MAP3K19: variants seen among roughly 807,000 people sequenced by gnomAD.
MAP3K19 encodes the protein mitogen-activated protein kinase kinase kinase 19.
MAP3K19 carries 91 observed loss-of-function variants against 114.4 expected under a neutral mutation model. The ratio of observed to expected loss-of-function variants is 0.80; its 90% CI spans 0.67 to 0.95. The LOEUF (loss-of-function observed/expected upper bound fraction) is 0.95, where lower values mean the gene tolerates loss of function less well. Ranked by LOEUF, MAP3K19 falls within the 40% of genes least tolerant of loss-of-function variation. MAP3K19 has a pLI of 0.00. For synonymous variants in MAP3K19, 518 were observed against 530.5 expected (o/e 0.98, Z 0.32); for missense variants, 1,471 against 1,573.2 (o/e 0.94, Z 1.10).
Position 134,986,269 on chromosome 2 carries a change from A to G in MAP3K19, c.2603T>C (p.Val868Ala). 2 of 1,614,084 alleles carry G rather than the reference A, an allele frequency of 1.2e-6. No homozygotes were observed. The highest frequency in any genetic ancestry group is 1.7e-6 in the Non-Finnish European group (2 of 1,180,012). The change falls in exon 10 of 13, where the codon GTA (valine) becomes GCA (alanine). Residue 868 changes from valine (V) to alanine (A), a missense_variant. Physicochemically the swap from Val to Ala is moderately conservative, Grantham distance 64. Transcript: ENST00000392915. ...TGCTGTATTCTGCTTTTCTTGCTGT[A>G]CATACTTGTTAGAATTCTTCTCACT... ...VPSEKNSNKY[V>A]QQEKQNTASL...
rs773526669 is a variant in MAP3K19 at position 134,987,265 on chromosome 2, C to A, written c.1607G>T (p.Ser536Ile). Residue 536 changes from serine to isoleucine, a missense_variant, in exon 10 of 13, where the codon AGT becomes ATT. Physicochemically the swap from Ser to Ile is moderately radical, Grantham distance 142. Transcript: ENST00000392915. ...NDKHKMNSHR[S>I]KLDSKTKTSK... is the part of the protein sequence containing the mutation. Reference sequence around the variant, plus strand: ...TGTCTTGGTCTTTGAATCCAACTTACTCCTATGGGAATTCATCTTATGCTT... The same window carrying A: ...TGTCTTGGTCTTTGAATCCAACTTAATCCTATGGGAATTCATCTTATGCTT... 2 of 1,614,148 alleles carry A rather than the reference C, an allele frequency of 1.2e-6. No individual in the cohort carries two copies. Among genetic ancestry groups the A allele is most frequent in the Non-Finnish European group, 1.7e-6 (2 of 1,180,046 alleles).
At position 134,987,773 on chromosome 2, in the gene MAP3K19, G is replaced by T; in HGVS notation, c.1099C>A (p.Leu367Ile). ...GAACTCTCATTCTTTCTTGATGAAA[G>T]ATATTGAGAGTTCTCTTCTTCAGGT... ...RKPEEENSQY[L>I]SSRKNESSVA... is the part of the protein sequence containing the mutation. The change falls in exon 10 of 13, where the codon CTT becomes ATT. Residue 367 changes from leucine to isoleucine, a missense_variant. Coordinates refer to ENST00000392915, the MANE Select transcript of MAP3K19 (RefSeq NM_025052.5). 6.2e-7 allele frequency: 1 copy of T among 1,607,966 alleles called. No individual in the cohort carries two copies.
chr2:135,023,228 CTT>C, intron 4 of MAP3K19: 7 of 339,826 alleles, frequency 2.1e-5, no homozygotes, highest in South Asian at 1.7e-4. Context: ...TTTGTAATCT[CTT>C]TTCCAATTTA....
chr2:135,026,500 C>CT (rs1392190369), intron 3 of MAP3K19, among the ~76,000 whole-genome samples: 1 of 137,816 alleles, frequency 7.3e-6, no homozygotes, highest in Non-Finnish European at 1.5e-5. Flanking sequence ...AAGCTCCCTC[C>CT]TCCTTTTTTT....
At chr2:135,033,784 C>T (rs1363242721) in intron 2 of MAP3K19, among the ~76,000 whole-genome samples, 4 of 65,396 alleles carry the variant, frequency 6.1e-5, no homozygotes, top group Admixed American at 1.5e-4. Flanking sequence ...CGGGCAGAGG[C>T]GCCCCTCACC....
At chr2:134,982,193 A>C (rs1353118671) in intron 11 of MAP3K19, among the ~76,000 whole-genome samples, 1 of 126,302 alleles carries the variant, frequency 7.9e-6, no homozygotes, top group Non-Finnish European at 1.6e-5. Context: ...ATCATATCTC[A>C]CTGCAGCCTC....
intron 12 of MAP3K19, among the ~76,000 whole-genome samples, chr2:134,971,307 G>T (rs2105151049): frequency 6.6e-6 from 1 of 152,246 alleles, no homozygotes; most frequent in Non-Finnish European, 1.5e-5. Flanking sequence ...TGTGCTGTTG[G>T]GTTAGGTTTG....
At chr2:134,981,700 G>A (rs1372605653) in intron 11 of MAP3K19, among the ~76,000 whole-genome samples, 182 bp from the exon 12 acceptor site, 1 of 152,080 alleles carries the variant, frequency 6.6e-6, no homozygotes, top group African/African-American at 2.4e-5. Flanking sequence ...GCCAAGATGG[G>A]TATGAGAAAC....
intron 5 of MAP3K19, among the ~76,000 whole-genome samples, chr2:135,010,839 C>G (rs562801239): frequency 8.0e-4 from 122 of 152,162 alleles, no homozygotes; most frequent in African/African-American, 2.7e-3. Flanking sequence ...TTATGTTGCC[C>G]AGGGGTGTCT....
intron 9 of MAP3K19, 41 bp from the exon 10 acceptor site, chr2:134,988,294 TATAA>T (rs1685319973): frequency 6.8e-7 from 1 of 1,477,216 alleles, no homozygotes; most frequent in African/African-American, 1.4e-5. Flanking sequence ...CAGAAACATA[TATAA>T]ATATCACGCT....
chr2:134,986,067 C>A lies in MAP3K19; in HGVS notation c.2805G>T (p.Lys935Asn). The change falls in exon 10 of 13, where the codon AAG (lysine) becomes AAT (asparagine). Residue 935 changes from lysine (K) to asparagine (N), a missense_variant. Physicochemically the swap from Lys to Asn is moderately conservative, Grantham distance 94 (BLOSUM62 0). Coordinates refer to ENST00000392915, the MANE Select transcript of MAP3K19 (RefSeq NM_025052.5). The part of the protein sequence containing the change: ...HYLDHDSLAN[K>N]SITYQMFGKT... ...TTCCAAACATTTGATATGTGATTGA[C>A]TTATTTGCTAAACTATCATGATCCA... 2 of 1,613,964 alleles carry A rather than the reference C, an allele frequency of 1.2e-6. No individual in the cohort carries two copies. Among genetic ancestry groups the A allele is most frequent in the Non-Finnish European group, 1.7e-6 (2 of 1,179,966 alleles).
At chr2:135,009,118 ATTTTT>A (rs59038927) in intron 5 of MAP3K19, among the ~76,000 whole-genome samples, 2 of 136,710 alleles carry the variant, frequency 1.5e-5, no homozygotes, top group African/African-American at 2.7e-5. Context: ...TGCCTGGCTA[ATTTTT>A]TTTTTTTTTT....
rs1685050193 is a variant in MAP3K19 at position 134,985,811 on chromosome 2, C to T, written c.3061G>A (p.Val1021Ile). Reference protein sequence around the residue: ...PKEMGRETTKVKIQRHSSGLR... With the variant: ...PKEMGRETTKIKIQRHSSGLR... ...CTAATTATACCAACCTGTATTTTGACTTTTGTTGTCTCTCTGCCCATTTCT... is the reference window on the plus strand; with the variant it reads ...CTAATTATACCAACCTGTATTTTGATTTTTGTTGTCTCTCTGCCCATTTCT... The change falls in exon 10 of 13, where the codon GTC (valine) becomes ATC (isoleucine). Residue 1021 changes from valine (V) to isoleucine (I), a missense_variant. Transcript: ENST00000392915. 6.2e-7 allele frequency: 1 copy of T among 1,601,740 alleles called. No individual in the cohort carries two copies. The highest frequency in any genetic ancestry group is 8.5e-7 in the Non-Finnish European group (1 of 1,174,992).
Position 134,987,569 on chromosome 2 carries a change from CTAAAA to C in MAP3K19, c.1298_1302del (p.Ile433ArgfsTer7). On this transcript the variant is annotated frameshift_variant, in exon 10 of 13. Coordinates refer to ENST00000392915, the MANE Select transcript of MAP3K19 (RefSeq NM_025052.5). LOFTEE classifies it high-confidence loss of function. Reference sequence around the variant, plus strand: ...AAGCTTTTAAGTACAGTACACTCTTCTAAAATATTGTTTGGTTCCATTGCTTCATT... The same window carrying C: ...AAGCTTTTAAGTACAGTACACTCTTCTATTGTTTGGTTCCATTGCTTCATT... 1 of 1,614,172 alleles carries C rather than the reference CTAAAA, an allele frequency of 6.2e-7. No individual in the cohort carries two copies. The highest frequency in any genetic ancestry group is 8.5e-7 in the Non-Finnish European group (1 of 1,180,020).
rs1685148006 is a variant in MAP3K19, at chr2:134,986,742, G to T, written c.2130C>A (p.Ser710Arg). The change falls in exon 10 of 13, where the codon AGC (serine) becomes AGA (arginine). Residue 710 changes from serine (S) to arginine (R), a missense_variant. Transcript: ENST00000392915. ...TCTGAGAAAGTCTTGTTCTGATATT[G>T]CTCTTCCTCTCACTGTGTGAAGATC... ...KCRSSHSERK[S>R]NIRTRLSQKK... 6.8e-6 allele frequency: 11 copies of T among 1,614,084 alleles called. No individual in the cohort carries two copies. Among genetic ancestry groups the T allele is most frequent in the Non-Finnish European group, 9.3e-6 (11 of 1,180,008 alleles).
At chr2:135,008,413 G>A (rs1192011571) in intron 5 of MAP3K19, among the ~76,000 whole-genome samples, 3 of 152,148 alleles carry the variant, frequency 2.0e-5, no homozygotes, top group Non-Finnish European at 2.9e-5. Context: ...GAGCCACCAC[G>A]CTCAGCCAAT....
chr2:135,008,693 A>G (rs112182786), intron 5 of MAP3K19, among the ~76,000 whole-genome samples: 17 of 152,130 alleles, frequency 1.1e-4, no homozygotes, highest in African/African-American at 3.6e-4. Context: ...GTGCTATATC[A>G]TATCTTCTCC....
At chr2:135,046,347 G>A (rs377434905) in intron 1 of MAP3K19, among the ~76,000 whole-genome samples, 2 of 151,854 alleles carry the variant, frequency 1.3e-5, no homozygotes, top group East Asian at 1.9e-4. Flanking sequence ...GCACAATCTC[G>A]GTTCACTGCA....
At chr2:135,016,917 T>C (rs1687616579) in intron 5 of MAP3K19, among the ~76,000 whole-genome samples, 1 of 152,224 alleles carries the variant, frequency 6.6e-6, no homozygotes, top group South Asian at 2.1e-4. Flanking sequence ...CCTGCAATGA[T>C]GGGTCTTGCA....
Sources: allele counts gnomAD v4.1 joint callset (sites outside exome capture counted in the v4.1 genomes callset), GRCh38; gene constraint gnomAD v4.1.1; transcripts MANE v1.5; gene names NCBI Gene and HGNC (gene_info 2026-07-23, HGNC 2026-07-21).